Variants in SLC24A2 observed in about 807,000 individuals in gnomAD.
SLC24A2 encodes solute carrier family 24 member 2.
SLC24A2 carries 36 observed loss-of-function variants against 62.0 expected under a neutral mutation model. The observed-to-expected ratio is 0.58, with a 90% CI of 0.44 to 0.77. SLC24A2 has a LOEUF of 0.77. Among genes scored for constraint, SLC24A2 ranks in the 30% least tolerant of loss-of-function variants. The pLI, the probability that SLC24A2 is intolerant of heterozygous loss-of-function variation, is 0.00. For missense variants in SLC24A2, 846 were observed against 817.9 expected (o/e 1.03, Z -0.42); for synonymous variants, 358 against 294.0 (o/e 1.22, Z -2.23).
the SLC24A2 span, among the ~76,000 whole-genome samples, chr9:20,037,991 C>T: frequency 6.6e-6 from 1 of 152,158 alleles, no homozygotes; most frequent in Non-Finnish European, 1.5e-5. Context: ...GATCAAAAAA[C>T]ATCAGAATTG....
At chr9:19,852,153 C>A in the SLC24A2 span, among the ~76,000 whole-genome samples, 1 of 152,044 alleles carries the variant, frequency 6.6e-6, no homozygotes, top group Non-Finnish European at 1.5e-5. Flanking sequence ...TATTCATGTC[C>A]TTTGCCCACT....
At chr9:20,091,496 C>A in the SLC24A2 span, among the ~76,000 whole-genome samples, 1 of 151,972 alleles carries the variant, frequency 6.6e-6, no homozygotes, top group Non-Finnish European at 1.5e-5. Context: ...GGCTACCAGA[C>A]CACCTCTCAG....
Position 19,771,288 on chromosome 9 carries a change from G to C in SLC24A2, c.930+14649C>G, listed in dbSNP as rs544306020. ...GGGCATTTAAATTCTTCCTCCTAAA[G>C]CACAACACTATCTTGTCCTGTTCTA... On this transcript the variant is annotated intron_variant, in intron 2 of 10. Coordinates refer to ENST00000341998, the MANE Select transcript of SLC24A2 (RefSeq NM_020344.4). Among the ~76,000 whole-genome samples the C allele has an allele frequency of 7.5e-4, 114 of 152,292 alleles. 1 individual carries two copies. Among genetic ancestry groups the C allele is most frequent in the African/African-American group, 2.6e-3 (107 of 41,564 alleles).
chr9:19,706,621 G>A (rs1377337767), intron 2 of SLC24A2, among the ~76,000 whole-genome samples: 4 of 151,986 alleles, frequency 2.6e-5, no homozygotes, highest in African/African-American at 7.3e-5. Context: ...CTCGTGATCC[G>A]CTCGTCTCGG....
At chr9:20,096,713 T>C in the SLC24A2 span, among the ~76,000 whole-genome samples, 1 of 151,774 alleles carries the variant, frequency 6.6e-6, no homozygotes, top group African/African-American at 2.4e-5. Context: ...TTTTCTTACA[T>C]TGGAGTTTTA....
chr9:19,939,558 G>C, the SLC24A2 span, among the ~76,000 whole-genome samples: 2 of 152,244 alleles, frequency 1.3e-5, no homozygotes, highest in African/African-American at 4.8e-5. Context: ...GGGTGAGTCA[G>C]TGAGTGAGTA....
chr9:20,152,832 C>T, the SLC24A2 span, among the ~76,000 whole-genome samples: 1 of 151,904 alleles, frequency 6.6e-6, no homozygotes, highest in Middle Eastern at 3.4e-3. Context: ...TGGGGCCTTG[C>T]TTTTAGGGAT....
chr9:20,186,943 T>C, the SLC24A2 span, among the ~76,000 whole-genome samples: 16 of 152,184 alleles, frequency 1.1e-4, no homozygotes, highest in Admixed American at 4.6e-4. Context: ...AGCATGGGGA[T>C]CAAGTTCTGA....
the SLC24A2 span, among the ~76,000 whole-genome samples, chr9:20,148,749 G>A: frequency 6.6e-6 from 1 of 151,936 alleles, no homozygotes; most frequent in African/African-American, 2.4e-5. Context: ...CTTGTCCCTG[G>A]ACCAACATGT....
chr9:19,689,852 A>G (rs1819991803), intron 2 of SLC24A2, among the ~76,000 whole-genome samples: 1 of 152,134 alleles, frequency 6.6e-6, no homozygotes, highest in Non-Finnish European at 1.5e-5. Context: ...TGTGTCTGTA[A>G]GGGTGTTTCT....
chr9:20,225,793 A>G, the SLC24A2 span, among the ~76,000 whole-genome samples: 1 of 151,466 alleles, frequency 6.6e-6, no homozygotes, highest in South Asian at 2.1e-4. Context: ...ATAATAAACC[A>G]TATGGGTCTT....
At chr9:19,560,914 T>G (rs961121411) in intron 7 of SLC24A2, among the ~76,000 whole-genome samples, 612 of 106,420 alleles carry the variant, frequency 5.8e-3, no homozygotes, top group African/African-American at 0.017. Context: ...TATATATATA[T>G]ATAGAGAGAG....
the SLC24A2 span, among the ~76,000 whole-genome samples, chr9:20,166,369 A>T: frequency 6.6e-6 from 1 of 152,126 alleles, no homozygotes; most frequent in African/African-American, 2.4e-5. Context: ...AGTGTCCAAA[A>T]ATAGGAGGAC....
At chr9:20,088,093 C>T in the SLC24A2 span, among the ~76,000 whole-genome samples, 339 of 152,290 alleles carry the variant, frequency 2.2e-3, no homozygotes, top group African/African-American at 7.7e-3. Flanking sequence ...CTTTAGATAC[C>T]TGGGCTTCCC....
At chr9:20,215,313 C>A in the SLC24A2 span, among the ~76,000 whole-genome samples, 1 of 152,178 alleles carries the variant, frequency 6.6e-6, no homozygotes, top group Non-Finnish European at 1.5e-5. Flanking sequence ...GTTAGAATTT[C>A]AACGTATGAA....
chr9:19,682,827 T>G (rs964259895), intron 2 of SLC24A2, among the ~76,000 whole-genome samples: 1 of 152,176 alleles, frequency 6.6e-6, no homozygotes, highest in African/African-American at 2.4e-5. Context: ...TGGAAAATTT[T>G]TGAAGGTAGG....
chr9:19,697,448 A>C (rs573120957), intron 2 of SLC24A2, among the ~76,000 whole-genome samples: 3 of 152,318 alleles, frequency 2.0e-5, no homozygotes, highest in South Asian at 4.1e-4. Flanking sequence ...ATAAAAGTTG[A>C]AGAGAAAAAA....
intron 9 of SLC24A2, among the ~76,000 whole-genome samples, chr9:19,524,651 GTTT>G (rs1456141629): frequency 3.3e-5 from 5 of 152,092 alleles, no homozygotes; most frequent in African/African-American, 9.7e-5. Context: ...CTGTCTGGGT[GTTT>G]TTAAAGAAGT....
the SLC24A2 span, among the ~76,000 whole-genome samples, chr9:20,080,702 G>A: frequency 6.6e-6 from 1 of 152,154 alleles, no homozygotes; most frequent in African/African-American, 2.4e-5. Flanking sequence ...TCTACAGAAT[G>A]GGAGAAAATT....
Sources: allele counts gnomAD v4.1 joint callset (sites outside exome capture counted in the v4.1 genomes callset), GRCh38; gene constraint gnomAD v4.1.1; transcripts MANE v1.5; gene names NCBI Gene and HGNC (gene_info 2026-07-23, HGNC 2026-07-21).